Variants in LAMB1 observed in about 807,000 individuals in gnomAD.
The protein encoded by LAMB1 is laminin subunit beta 1, also known as laminin subunit beta-1.
A neutral mutation model predicts 222.3 loss-of-function variants in LAMB1; 121 were observed. The ratio of observed to expected loss-of-function variants is 0.54; its 90% CI spans 0.47 to 0.63. The LOEUF is 0.63. Among genes scored for constraint, LAMB1 ranks in the 30% least tolerant of loss-of-function variants. The pLI, the probability that LAMB1 is intolerant of heterozygous loss-of-function variation, is 0.00. For synonymous variants in LAMB1, 794 were observed against 807.2 expected (o/e 0.98, Z 0.28); for missense variants, 2,172 against 2,240.8 (o/e 0.97, Z 0.62).
chr7:107,967,733 G>A (rs2033662984), intron 13 of LAMB1, among the ~76,000 whole-genome samples: 1 of 151,864 alleles, frequency 6.6e-6, no homozygotes, highest in Non-Finnish European at 1.5e-5. Context: ...TATTATTTCT[G>A]GCTAAATGAT....
chr7:107,948,592 C>T (rs370875223), intron 24 of LAMB1, among the ~76,000 whole-genome samples: 129 of 152,098 alleles, frequency 8.5e-4, no homozygotes, highest in Non-Finnish European at 1.5e-3. Context: ...ATTAGGGTCA[C>T]GAATACGAAT....
In LAMB1 at chr7:107,955,468, A is replaced by C; in HGVS notation, c.2853T>G (p.Ile951Met). The C allele has an allele frequency of 6.2e-7, 1 of 1,612,608 alleles. No individual in the cohort carries two copies. Among genetic ancestry groups the C allele is most frequent in the Non-Finnish European group, 8.5e-7 (1 of 1,179,156 alleles). The change falls in exon 21 of 34, where the codon ATT becomes ATG. Residue 951 changes from isoleucine (I) to methionine (M), a missense_variant and splice_region_variant. By Grantham distance (10) the Ile-to-Met change is conservative (BLOSUM62 1). Transcript: ENST00000222399. The part of the protein sequence containing the change: ...QLACVCDPGY[I>M]GSRCDDCASG... ...TCCCAAAGTATGCACACGACTTACC[A>C]ATGTATCCAGGATCACAAACACAGG...
At chr7:107,969,266 C>T (rs989214457) in intron 13 of LAMB1, among the ~76,000 whole-genome samples, 14 of 140,144 alleles carry the variant, frequency 1.0e-4, no homozygotes, top group African/African-American at 3.0e-4. Context: ...CCAGCCTGGG[C>T]GACAGAGCGA....
chr7:107,953,622 C>T lies in LAMB1; in HGVS notation c.2987G>A (p.Arg996Lys). Residue 996 changes from arginine (R) to lysine (K), a missense_variant, in exon 22 of 34, where the codon AGG becomes AAG. Physicochemically the swap from Arg to Lys is conservative, Grantham distance 26 (BLOSUM62 2). Transcript: ENST00000222399. ...DPEACDKETG[R>K]CLKCLYHTEG... The stretch of plus-strand genomic sequence containing the variant: ...CGTGTGGTACAGGCACTTGAGACAC[C>T]TCCCAGTCTCCTTGTCACAGGCTTC... 6.2e-7 allele frequency: 1 copy of T among 1,614,142 alleles called. No homozygotes were observed.
chr7:108,001,193 G>A (rs994697389), intron 3 of LAMB1, among the ~76,000 whole-genome samples: 17 of 152,210 alleles, frequency 1.1e-4, no homozygotes, highest in Admixed American at 9.2e-4. Flanking sequence ...GCGGTAGAGG[G>A]GGGTGGGGAA....
intron 5 of LAMB1, among the ~76,000 whole-genome samples, chr7:107,994,444 C>G (rs565670034): frequency 3.3e-4 from 50 of 152,232 alleles, no homozygotes; most frequent in Non-Finnish European, 5.9e-4. Context: ...ACAAATCATT[C>G]TGGAGTTCAA....
intron 3 of LAMB1, among the ~76,000 whole-genome samples, chr7:108,000,400 C>T (rs1390819802): frequency 5.3e-5 from 8 of 152,166 alleles, no homozygotes; most frequent in African/African-American, 1.9e-4. Flanking sequence ...GCTGTGCAAA[C>T]CACACACAAT....
At chr7:107,966,493 G>A (rs1234722358) in intron 13 of LAMB1, among the ~76,000 whole-genome samples, 2 of 152,086 alleles carry the variant, frequency 1.3e-5, no homozygotes, top group African/African-American at 4.8e-5. Flanking sequence ...ACAGGTGTAA[G>A]CCACCACGCC....
intron 15 of LAMB1, 25 bp from the exon 16 acceptor site, chr7:107,961,701 AAG>A: frequency 6.2e-7 from 1 of 1,604,816 alleles, no homozygotes; most frequent in Admixed American, 1.7e-5. Flanking sequence ...AAACAATGAA[AAG>A]ATAGTTAGCC....
chr7:107,999,131 G>T (rs2034334309), intron 3 of LAMB1, among the ~76,000 whole-genome samples: 1 of 152,154 alleles, frequency 6.6e-6, no homozygotes, highest in South Asian at 2.1e-4. Flanking sequence ...TATAATCTGG[G>T]GCCAGTTCAA....
chr7:107,951,920 G>A, intron 23 of LAMB1, 89 bp downstream of exon 23: 4 of 1,089,276 alleles, frequency 3.7e-6, no homozygotes, highest in Non-Finnish European at 5.4e-6. Context: ...CAAGCTGTGT[G>A]CCCTGGTGCC....
At chr7:107,975,140 G>A in intron 11 of LAMB1, 42 bp from the exon 12 acceptor site, 2 of 1,538,748 alleles carry the variant, frequency 1.3e-6, no homozygotes, top group Non-Finnish European at 9.0e-7. Flanking sequence ...CAGACCACGT[G>A]AGTTTCAAAT....
intron 8 of LAMB1, among the ~76,000 whole-genome samples, chr7:107,979,294 A>G (rs2033928069): frequency 6.6e-6 from 1 of 152,206 alleles, no homozygotes; most frequent in Admixed American, 6.5e-5. Flanking sequence ...TTCTAACTGG[A>G]GTAAAGGGAA....
intron 28 of LAMB1, chr7:107,931,776 T>A: frequency 2.1e-6 from 1 of 482,080 alleles, no homozygotes; most frequent in Non-Finnish European, 3.6e-6. Flanking sequence ...GTCCTGAGTC[T>A]TTTTCTCAGG....
intron 3 of LAMB1, 129 bp downstream of exon 3, chr7:108,001,429 C>G (rs1563013444): frequency 2.9e-6 from 3 of 1,037,300 alleles, no homozygotes; most frequent in Non-Finnish European, 4.1e-6. Context: ...AGCCTAATCC[C>G]GGGACTCCCC....
Position 108,001,648 on chromosome 7 carries a change from GT to G in LAMB1, c.122del (p.Asp41AlafsTer12). 6.2e-7 allele frequency: 1 copy of G among 1,613,196 alleles called. No individual in the cohort carries two copies. Among genetic ancestry groups the G allele is most frequent in the East Asian group, 2.2e-5 (1 of 44,860 alleles). ...AEGSCYPATGDLLIGRAQKLS... is the reference protein window; with the variant it reads ...AEGSCYPATGXLLIGRAQKLS... ...GCTTCTGTGCTCGGCCGATGAGAAG[GT>G]CGCCCGTGGCGGGATAGCAGCTGCC... On this transcript the variant is annotated frameshift_variant, in exon 3 of 34. Transcript: ENST00000222399. LOFTEE classifies it high-confidence loss of function.
At chr7:107,955,954 G>A (rs1367163265) in intron 20 of LAMB1, among the ~76,000 whole-genome samples, 1 of 152,172 alleles carries the variant, frequency 6.6e-6, no homozygotes, top group Non-Finnish European at 1.5e-5. Flanking sequence ...CTGGAGTGCA[G>A]TGGCACGATC....
intron 27 of LAMB1, 46 bp downstream of exon 27, chr7:107,935,369 T>TGG: frequency 8.6e-7 from 1 of 1,165,704 alleles, no homozygotes; most frequent in Non-Finnish European, 1.1e-6. Context: ...TTTTTTTTTT[T>TGG]TTTTGCTTGG....
At chr7:107,976,429 C>T (rs1183288934) in intron 9 of LAMB1, among the ~76,000 whole-genome samples, 1 of 152,164 alleles carries the variant, frequency 6.6e-6, no homozygotes, top group Non-Finnish European at 1.5e-5. Context: ...AGCTGACCCC[C>T]TTGGGTGCAG....
Sources: gnomAD v4.1 joint callset for allele counts (sites outside exome capture counted in the v4.1 genomes callset) on GRCh38, gnomAD v4.1.1 for gene constraint, MANE v1.5 for transcripts, NCBI Gene and HGNC (gene_info 2026-07-23, HGNC 2026-07-21) for gene names.